NT5C3A: variants seen among roughly 807,000 people sequenced by gnomAD.
NT5C3A encodes cytosolic 5'-nucleotidase 3A.
In NT5C3A, 23 loss-of-function variants were observed where a neutral mutation model predicts 40.0. That is an observed-to-expected ratio of 0.58 (90% CI 0.41 to 0.81). The LOEUF (loss-of-function observed/expected upper bound fraction) is 0.81. NT5C3A is among the 40% of genes least tolerant of loss of function. The pLI is 0.00. For missense variants in NT5C3A, 328 were observed against 403.0 expected, an observed-to-expected ratio of 0.81 and a Z score of 1.59; for synonymous variants, 130 against 141.4, an observed-to-expected ratio of 0.92 and a Z score of 0.57.
intron 1 of NT5C3A, among the ~76,000 whole-genome samples, chr7:33,057,844 A>G (rs752465103): frequency 3.3e-5 from 5 of 152,186 alleles, no homozygotes; most frequent in Admixed American, 1.3e-4. Flanking sequence ...TGACCATTCC[A>G]TCTCCCCTAT....
intron 6 of NT5C3A, among the ~76,000 whole-genome samples, chr7:33,017,999 G>A (rs1785435323): frequency 6.6e-6 from 1 of 152,148 alleles, no homozygotes; most frequent in Admixed American, 6.5e-5. Flanking sequence ...GGGCAACATA[G>A]CGAGACCCTG....
chr7:33,062,537 T>C, intron 1 of NT5C3A, 31 bp downstream of exon 1: 1 of 1,595,488 alleles, frequency 6.3e-7, no homozygotes, highest in South Asian at 1.1e-5. Flanking sequence ...GCCCCTCGCG[T>C]GCTCTGGGCG....
intron 5 of NT5C3A, among the ~76,000 whole-genome samples, chr7:33,020,983 C>T (rs1000093175): frequency 5.7e-5 from 4 of 70,436 alleles, no homozygotes; most frequent in Admixed American, 1.6e-4. Flanking sequence ...CATTAAGCCA[C>T]GTTTTGTTCA....
intron 1 of NT5C3A, among the ~76,000 whole-genome samples, chr7:33,037,078 G>A (rs1786647637): frequency 6.6e-6 from 1 of 152,198 alleles, no homozygotes; most frequent in South Asian, 2.1e-4. Flanking sequence ...CCAAAGTGCT[G>A]GGATTACAGG....
At chr7:33,027,481 A>G (rs1786006445) in intron 1 of NT5C3A, among the ~76,000 whole-genome samples, 1 of 152,262 alleles carries the variant, frequency 6.6e-6, no homozygotes, top group Non-Finnish European at 1.5e-5. Flanking sequence ...GAAAGTATAT[A>G]TCTTTTTCTA....
chr7:33,023,908 A>G, intron 3 of NT5C3A, 131 bp downstream of exon 3: 1 of 655,562 alleles, frequency 1.5e-6, no homozygotes, highest in Non-Finnish European at 2.7e-6. Flanking sequence ...ATAATAAGAA[A>G]AAGCAGGTCT....
chr7:33,029,388 A>G (rs923087248), intron 1 of NT5C3A: 1 of 330,842 alleles, frequency 3.0e-6, no homozygotes, highest in African/African-American at 2.2e-5. Context: ...TTTAGGGACC[A>G]CTGCTGTTTT....
At chr7:33,047,691 G>A (rs1787210387) in intron 1 of NT5C3A, among the ~76,000 whole-genome samples, 1 of 152,044 alleles carries the variant, frequency 6.6e-6, no homozygotes, top group Non-Finnish European at 1.5e-5. Flanking sequence ...GAAAAATAAA[G>A]GAAGTACACT....
chr7:33,016,469 G>A (rs1194757983), intron 7 of NT5C3A, among the ~76,000 whole-genome samples: 1 of 151,200 alleles, frequency 6.6e-6, no homozygotes, highest in African/African-American at 2.4e-5. Context: ...CAAGAGATCA[G>A]ACCATCCTGA....
chr7:33,044,193 T>G (rs1418060603), intron 1 of NT5C3A, among the ~76,000 whole-genome samples: 1 of 152,124 alleles, frequency 6.6e-6, no homozygotes, highest in East Asian at 1.9e-4. Context: ...CAAGCCCAGC[T>G]AATTTTGTAT....
chr7:33,053,821 T>A (rs988862444), intron 1 of NT5C3A, among the ~76,000 whole-genome samples: 2 of 152,076 alleles, frequency 1.3e-5, no homozygotes, highest in Admixed American at 1.3e-4. Context: ...GAAAAAAAAT[T>A]GTAAAGCTAA....
At chr7:33,046,935 T>C (rs6976301) in intron 1 of NT5C3A, among the ~76,000 whole-genome samples, 69,385 of 149,510 alleles carry the variant, frequency 0.46, 16,567 homozygotes, top group East Asian at 0.57. Context: ...TCTGGAGTAG[T>C]GGGGACCACA....
intron 1 of NT5C3A, among the ~76,000 whole-genome samples, chr7:33,043,234 GAA>G (rs1215606244): frequency 6.6e-6 from 1 of 152,058 alleles, no homozygotes; most frequent in Non-Finnish European, 1.5e-5. Flanking sequence ...ACTACTGATT[GAA>G]AAAAGTTATA....
intron 1 of NT5C3A, among the ~76,000 whole-genome samples, chr7:33,030,885 G>A (rs7797997): frequency 0.033 from 4,976 of 151,868 alleles, 126 homozygotes; most frequent in South Asian, 0.12. Flanking sequence ...GGATCACGAG[G>A]TCAGGAGATC....
At chr7:33,019,244 A>T (rs914776443) in intron 6 of NT5C3A, among the ~76,000 whole-genome samples, 1 of 147,272 alleles carries the variant, frequency 6.8e-6, no homozygotes, top group Non-Finnish European at 1.5e-5. Flanking sequence ...CAACAGAGAG[A>T]GACCCTGTCT....
chr7:33,041,112 A>G, intron 1 of NT5C3A: 1 of 985,204 alleles, frequency 1.0e-6, no homozygotes, highest in Non-Finnish European at 1.2e-6. Flanking sequence ...TGTGACGATT[A>G]AAGAGAAGGT....
chr7:33,046,757 T>G (rs1190109843), intron 1 of NT5C3A, among the ~76,000 whole-genome samples: 1 of 151,820 alleles, frequency 6.6e-6, no homozygotes, highest in Non-Finnish European at 1.5e-5. Flanking sequence ...TTCCTGGCTC[T>G]CCTTTCAAAT....
intron 6 of NT5C3A, 61 bp downstream of exon 6, chr7:33,019,574 C>T (rs969412146): frequency 2.0e-6 from 2 of 979,014 alleles, no homozygotes; most frequent in African/African-American, 3.2e-5. Flanking sequence ...CAACTGACTA[C>T]ATAAATAGCA....
At chr7:33,022,023 G>C in intron 4 of NT5C3A, 30 bp downstream of exon 4, 1 of 1,317,964 alleles carries the variant, frequency 7.6e-7, no homozygotes, top group East Asian at 2.3e-5. Context: ...TGAAGTCTTT[G>C]AGTGACTATA....
Sources: gnomAD v4.1 joint callset for allele counts (sites outside exome capture counted in the v4.1 genomes callset) on GRCh38, gnomAD v4.1.1 for gene constraint, MANE v1.5 for transcripts, NCBI Gene and HGNC (gene_info 2026-07-23, HGNC 2026-07-21) for gene names.